Variants in SLC4A10 observed in about 807,000 individuals in gnomAD.
The protein encoded by SLC4A10 is sodium-driven chloride bicarbonate exchanger.
SLC4A10 carries 42 observed loss-of-function variants against 137.7 expected under a neutral mutation model. The ratio of observed to expected loss-of-function variants is 0.30; its 90% CI spans 0.24 to 0.39. SLC4A10 has a LOEUF of 0.39. Ranked by LOEUF, SLC4A10 falls within the 10% of genes least tolerant of loss-of-function variation. SLC4A10 has a pLI of 1.00. For missense variants in SLC4A10, 925 were observed against 1,355.0 expected, an observed-to-expected ratio of 0.68 and a Z score of 4.98; for synonymous variants, 474 against 464.1, an observed-to-expected ratio of 1.02 and a Z score of -0.27.
intron 4 of SLC4A10, among the ~76,000 whole-genome samples, chr2:161,849,942 T>A (rs1018652619): frequency 6.6e-6 from 1 of 152,092 alleles, no homozygotes; most frequent in Non-Finnish European, 1.5e-5. Context: ...CTCCTCCTTG[T>A]TTTTTGGAAT....
chr2:161,792,834 A>G (rs1225749040), intron 2 of SLC4A10, among the ~76,000 whole-genome samples: 4 of 152,206 alleles, frequency 2.6e-5, no homozygotes, highest in Non-Finnish European at 5.9e-5. Context: ...GGTGCTGTCA[A>G]TAGGGTGCTT....
intron 1 of SLC4A10, among the ~76,000 whole-genome samples, chr2:161,677,187 C>T (rs936254101): frequency 5.9e-5 from 9 of 152,024 alleles, no homozygotes; most frequent in Admixed American, 5.3e-4. Flanking sequence ...AGCCTGGCAC[C>T]TCTTCCCCTC....
At position 161,945,176 on chromosome 2, in the gene SLC4A10, T is replaced by TTGTGTG. The variant is rs10637760; in HGVS notation, c.2103+2281_2103+2286dup. Among the ~76,000 whole-genome samples, 21 of 105,552 alleles carry TTGTGTG rather than the reference T, an allele frequency of 2.0e-4. No individual in the cohort carries two copies. The East Asian group carries it at 4.8e-3, about 24-fold the overall frequency. The allele number at this position is 105,552 out of a possible 152,430, so 69.2% of individuals were successfully genotyped here. On this transcript the variant is annotated intron_variant, in intron 16 of 26. Coordinates refer to ENST00000446997, the MANE Select transcript of SLC4A10 (RefSeq NM_001178015.2). The stretch of plus-strand genomic sequence containing the variant: ...TTATGGCAAACTGGAGTACTTAAGT[T>TTGTGTG]TGTGTGTATATATATATATATATAT...
chr2:161,872,841 G>A (rs552395760), intron 7 of SLC4A10, among the ~76,000 whole-genome samples: 2 of 152,238 alleles, frequency 1.3e-5, no homozygotes, highest in South Asian at 2.1e-4. Flanking sequence ...AGCTTCCCGA[G>A]TAGCTGGGAT....
intron 10 of SLC4A10, among the ~76,000 whole-genome samples, chr2:161,890,876 G>A (rs2062838633): frequency 6.6e-6 from 1 of 152,040 alleles, no homozygotes; most frequent in South Asian, 2.1e-4. Context: ...ATTCCCTTCT[G>A]TTTCTTCATA....
intron 15 of SLC4A10, among the ~76,000 whole-genome samples, chr2:161,917,035 A>C (rs951838752): frequency 6.6e-6 from 1 of 152,176 alleles, no homozygotes; most frequent in African/African-American, 2.4e-5. Context: ...GCTCCTTTGC[A>C]GTCAATCTTT....
rs1700644989 is a variant in SLC4A10 at position 161,984,994 on chromosome 2, T to A, written c.*1842T>A. On this transcript the variant is annotated 3_prime_UTR_variant, in exon 27 of 27. Transcript: ENST00000446997. ...ATCATATCCAATGAAATTCTGTATTTCTGAGTATTTTTATAGTCATTTTGT... is the reference window on the plus strand; with the variant it reads ...ATCATATCCAATGAAATTCTGTATTACTGAGTATTTTTATAGTCATTTTGT... 6.6e-6 allele frequency: 1 copy of A among 152,068 alleles called. No individual in the cohort carries two copies. Among genetic ancestry groups the A allele is most frequent in the African/African-American group, 2.4e-5 (1 of 41,456 alleles). 9.4% of individuals were successfully genotyped at this position (152,068 alleles called of 1,614,324 possible). A position where few individuals can be genotyped will look rare whatever the true frequency, so the allele number is the denominator to read the frequency against.
intron 1 of SLC4A10, among the ~76,000 whole-genome samples, chr2:161,638,358 T>G (rs1285181353): frequency 6.6e-6 from 1 of 152,116 alleles, no homozygotes; most frequent in Non-Finnish European, 1.5e-5. Context: ...GTGGACATAG[T>G]TTTCCCAGCA....
intron 3 of SLC4A10, among the ~76,000 whole-genome samples, chr2:161,819,454 C>T (rs1021117511): frequency 3.3e-5 from 5 of 151,854 alleles, no homozygotes; most frequent in African/African-American, 1.2e-4. Context: ...ATTAATTCTC[C>T]TTCCTATTGC....
chr2:161,763,515 A>C (rs181455231), intron 1 of SLC4A10, among the ~76,000 whole-genome samples: 3 of 152,274 alleles, frequency 2.0e-5, no homozygotes, highest in Admixed American at 6.5e-5. Context: ...GGAGACCTGC[A>C]ACAACAGGAA....
intron 24 of SLC4A10, among the ~76,000 whole-genome samples, chr2:161,975,280 G>T (rs761239219): frequency 6.6e-6 from 1 of 152,000 alleles, no homozygotes; most frequent in Non-Finnish European, 1.5e-5. Context: ...AAGTGTATTA[G>T]GTAGAAACCT....
chr2:161,882,433 A>G lies in SLC4A10; in HGVS notation c.1183A>G (p.Met395Val). The change falls in exon 10 of 27, where the codon ATG becomes GTG. Residue 395 changes from methionine to valine, a missense_variant. Coordinates refer to ENST00000446997, the MANE Select transcript of SLC4A10 (RefSeq NM_001178015.2). ...HEIGRSIATLMTDEVFHDVAY... is the reference protein window; with the variant it reads ...HEIGRSIATLVTDEVFHDVAY... ...GATTGGCAGATCAATTGCAACCCTA[A>G]TGACAGATGAGGTATTTATTCAAGT... 6.3e-7 allele frequency: 1 copy of G among 1,590,198 alleles called. No homozygotes were observed. The highest frequency in any genetic ancestry group is 1.3e-5 in the African/African-American group (1 of 74,364).
intron 1 of SLC4A10, among the ~76,000 whole-genome samples, chr2:161,695,100 A>C (rs2042359044): frequency 6.6e-6 from 1 of 152,064 alleles, no homozygotes; most frequent in Non-Finnish European, 1.5e-5. Context: ...TTGGAGTTCA[A>C]CAAAATATAG....
chr2:161,643,483 A>T (rs1558929635), intron 1 of SLC4A10, among the ~76,000 whole-genome samples: 1 of 152,132 alleles, frequency 6.6e-6, no homozygotes, highest in Non-Finnish European at 1.5e-5. Context: ...ATTTACTTAT[A>T]ATATGGCATA....
chr2:161,674,851 C>G (rs2040113602), intron 1 of SLC4A10, among the ~76,000 whole-genome samples: 1 of 152,046 alleles, frequency 6.6e-6, no homozygotes. Flanking sequence ...ACATTCTAGT[C>G]AGAAAGACAG....
At chr2:161,789,659 C>T (rs913444150) in intron 2 of SLC4A10, among the ~76,000 whole-genome samples, 4 of 152,168 alleles carry the variant, frequency 2.6e-5, no homozygotes, top group African/African-American at 9.7e-5. Context: ...TGCGATCCAT[C>T]ATTTGACTGA....
At chr2:161,897,311 C>T (rs1233792873) in intron 11 of SLC4A10, among the ~76,000 whole-genome samples, 1 of 152,106 alleles carries the variant, frequency 6.6e-6, no homozygotes, top group African/African-American at 2.4e-5. Flanking sequence ...TCTATGCCTA[C>T]TGAATCTGCC....
At chr2:161,730,192 A>G (rs2046677506) in intron 1 of SLC4A10, among the ~76,000 whole-genome samples, 1 of 152,248 alleles carries the variant, frequency 6.6e-6, no homozygotes, top group African/African-American at 2.4e-5. Context: ...CATAATTCAT[A>G]CTTTCTCATT....
rs919900802 is a variant in SLC4A10, at chr2:161,864,073, G to T, written c.766+1011G>T. On this transcript the variant is annotated intron_variant, in intron 6 of 26. Coordinates refer to ENST00000446997, the MANE Select transcript of SLC4A10 (RefSeq NM_001178015.2). ...AAAAATTAGCCGGGCGTGGTAGTGG[G>T]TGCCTGTAGTCCCAGCTACTCGGGA... 6.6e-5 allele frequency among the ~76,000 whole-genome samples: 10 copies of T among 152,162 alleles called. No homozygotes were observed. In the East Asian group the frequency reaches 1.8e-3, roughly 27 times the overall value.
Sources: allele counts gnomAD v4.1 joint callset (sites outside exome capture counted in the v4.1 genomes callset), GRCh38; gene constraint gnomAD v4.1.1; transcripts MANE v1.5; gene names NCBI Gene and HGNC (gene_info 2026-07-23, HGNC 2026-07-21).